Variants in CDK12 observed in about 807,000 individuals in gnomAD.
CDK12 encodes the protein cyclin-dependent kinase 12.
CDK12 carries 17 observed loss-of-function variants against 133.8 expected under a neutral mutation model. The observed-to-expected ratio is 0.13, with a 90% CI of 0.09 to 0.19. The LOEUF (loss-of-function observed/expected upper bound fraction) is 0.19. CDK12 is among the 10% of genes least tolerant of loss of function. The pLI is 1.00. For synonymous variants in CDK12, 694 were observed against 683.6 expected (o/e 1.02, Z -0.24); for missense variants, 1,508 against 1,818.7 (o/e 0.83, Z 3.11).
At chr17:39,474,121 C>T (rs1180977855) in intron 2 of CDK12, among the ~76,000 whole-genome samples, 1 of 152,184 alleles carries the variant, frequency 6.6e-6, no homozygotes, top group Non-Finnish European at 1.5e-5. Flanking sequence ...CCACCAAACA[C>T]ACTTGCTTTA....
At chr17:39,554,116 C>T (rs910375833) in intron 2 of CDK12, among the ~76,000 whole-genome samples, 9 of 152,146 alleles carry the variant, frequency 5.9e-5, no homozygotes, top group African/African-American at 1.4e-4. Context: ...TGCCCCTGGG[C>T]ACTTTCCAGA....
At chr17:39,519,450 C>A (rs1042411591) in intron 10 of CDK12, among the ~76,000 whole-genome samples, 1 of 151,090 alleles carries the variant, frequency 6.6e-6, no homozygotes, top group Non-Finnish European at 1.5e-5. Context: ...TACAGGCGTG[C>A]ATCACCATGC....
At chr17:39,480,820 C>A (rs116360414) in intron 2 of CDK12, among the ~76,000 whole-genome samples, 1 of 152,140 alleles carries the variant, frequency 6.6e-6, no homozygotes, top group Non-Finnish European at 1.5e-5. Flanking sequence ...ATTTCAAAAG[C>A]CTTTCTCATT....
intron 2 of CDK12, among the ~76,000 whole-genome samples, chr17:39,489,337 T>G (rs1291776782): frequency 6.6e-6 from 1 of 152,024 alleles, no homozygotes; most frequent in Non-Finnish European, 1.5e-5. Flanking sequence ...CCCAAAGTGC[T>G]AAGATTACAG....
intron 2 of CDK12, among the ~76,000 whole-genome samples, chr17:39,482,682 A>C (rs2145613202): frequency 1.5e-5 from 2 of 137,590 alleles, no homozygotes; most frequent in South Asian, 4.7e-4. Flanking sequence ...AGCTCACTGC[A>C]ACCTACGCCT....
intron 2 of CDK12, among the ~76,000 whole-genome samples, chr17:39,472,746 T>G (rs1050640142): frequency 1.3e-5 from 2 of 152,002 alleles, no homozygotes; most frequent in East Asian, 1.9e-4. Context: ...CCTGAAAAAT[T>G]TAACATTGAC....
intron 5 of CDK12, among the ~76,000 whole-genome samples, chr17:39,496,037 G>A (rs560935879): frequency 1.3e-5 from 2 of 151,500 alleles, no homozygotes; most frequent in Non-Finnish European, 2.9e-5. Flanking sequence ...TCAGCCTCCC[G>A]GGTAGCTGGG....
chr17:39,524,335 C>G (rs2054362629), intron 11 of CDK12, among the ~76,000 whole-genome samples: 3 of 152,184 alleles, frequency 2.0e-5, no homozygotes, highest in African/African-American at 7.2e-5. Flanking sequence ...GTCTTTATTC[C>G]CTACTGAAAC....
At chr17:39,544,415 C>A (rs1190606514), upstream of CDK12, 27 of 403,148 alleles carry the variant, frequency 6.7e-5, no homozygotes, top group Non-Finnish European at 5.6e-5. Context: ...TGGGATGACC[C>A]TACTCCCATC....
chr17:39,481,673 T>G (rs1597983444), intron 2 of CDK12, among the ~76,000 whole-genome samples: 2 of 13,326 alleles, frequency 1.5e-4, no homozygotes, highest in Non-Finnish European at 5.3e-4. Context: ...TCTCTCTCTC[T>G]CTCTCTCTCT....
intron 11 of CDK12, among the ~76,000 whole-genome samples, chr17:39,521,256 G>A (rs923534707): frequency 1.3e-5 from 2 of 151,944 alleles, no homozygotes; most frequent in South Asian, 2.1e-4. Flanking sequence ...GTGAGCCACC[G>A]TGCCTGGCCT....
chr17:39,471,275 A>C lies in CDK12; in HGVS notation c.1443A>C (p.Val481=), dbSNP rs1372239759. 6.2e-7 allele frequency: 1 copy of C among 1,612,878 alleles called. No individual in the cohort carries two copies. The highest frequency in any genetic ancestry group is 1.7e-5 in the Admixed American group (1 of 59,602). ...EVKNSSDTGK[V]KLDENSEKHL... ...AAAATTCTTCAGATACAGGGAAAGT[A>C]AAGTTGGATGAGAACTCCGAGAAGC... is the stretch of plus-strand genomic sequence containing the variant. Residue 481 remains valine (V), a synonymous_variant, in exon 2 of 14, where the codon GTA becomes GTC. Coordinates refer to ENST00000447079, the MANE Select transcript of CDK12 (RefSeq NM_016507.4).
At chr17:39,484,548 T>C (rs2050967917) in intron 2 of CDK12, among the ~76,000 whole-genome samples, 1 of 152,202 alleles carries the variant, frequency 6.6e-6, no homozygotes, top group Non-Finnish European at 1.5e-5. Context: ...TTTCAAGGTT[T>C]TTAGTACATT....
Position 39,469,078 on chromosome 17 carries a change from G to T in CDK12, c.1047-1801G>T, listed in dbSNP as rs145825488. On this transcript the variant is annotated intron_variant, in intron 1 of 13. Coordinates refer to ENST00000447079, the MANE Select transcript of CDK12 (RefSeq NM_016507.4). The stretch of plus-strand genomic sequence containing the variant: ...TCCTGACCTCGTGATCTGCTGCCTC[G>T]GCCTCCCGAAGTGCTGGGATTACAG... Among the ~76,000 whole-genome samples, 147 of 148,832 alleles carry T rather than the reference G, an allele frequency of 9.9e-4. 1 individual carries two copies. Among genetic ancestry groups the T allele is most frequent in the African/African-American group, 3.4e-3 (139 of 40,432 alleles).
At chr17:39,490,907 A>C (rs1007659113) in intron 3 of CDK12, among the ~76,000 whole-genome samples, 174 bp downstream of exon 3, 7 of 152,184 alleles carry the variant, frequency 4.6e-5, no homozygotes, top group African/African-American at 1.7e-4. Flanking sequence ...CAGGTCATTC[A>C]TCTATGCCCT....
upstream of CDK12, chr17:39,546,332 C>G (rs534409027): frequency 3.3e-5 from 5 of 151,544 alleles, no homozygotes; most frequent in Non-Finnish European, 5.9e-5. Context: ...GGCGCCCCCC[C>G]ACCACGCCTG....
rs745592792 is a variant in CDK12 at position 39,517,444 on chromosome 17, C to G, written c.2851C>G (p.Leu951Val). The part of the protein sequence containing the change: ...ELAQLELISR[L>V]CGSPCPAVWP... ...TTGCTTTTGCTTTGTTTTCAGCCGA[C>G]TTTGTGGTAGCCCTTGTCCAGCTGT... The change falls in exon 10 of 14, where the codon CTT becomes GTT. Residue 951 changes from leucine (L) to valine (V), a missense_variant. Leu to Val is a conservative substitution (Grantham distance 32, BLOSUM62 1). Around this residue, in one of 9 missense-constraint regions of CDK12, gnomAD observed 82 missense variants for 201.5 expected, o/e 0.41. Transcript: ENST00000447079. 3 of 1,604,714 alleles carry G rather than the reference C, an allele frequency of 1.9e-6. No homozygotes were observed. Among genetic ancestry groups the G allele is most frequent in the Non-Finnish European group, 1.7e-6 (2 of 1,172,754 alleles).
chr17:39,498,003 C>T (rs1024719163), intron 5 of CDK12, among the ~76,000 whole-genome samples: 1 of 98,584 alleles, frequency 1.0e-5, no homozygotes, highest in Non-Finnish European at 2.2e-5. Flanking sequence ...CTCTTTCTCT[C>T]TTTCTTTCTT....
At chr17:39,488,212 C>T (rs2051291656) in intron 2 of CDK12, among the ~76,000 whole-genome samples, 1 of 149,768 alleles carries the variant, frequency 6.7e-6, no homozygotes, top group Admixed American at 6.7e-5. Flanking sequence ...CCAGCCTGGG[C>T]AACAAAGTGA....
Sources: gnomAD v4.1 joint callset for allele counts (sites outside exome capture counted in the v4.1 genomes callset) on GRCh38, gnomAD v4.1.1 for gene constraint, gnomAD v4.1.1 regional missense constraint, MANE v1.5 for transcripts, NCBI Gene and HGNC (gene_info 2026-07-23, HGNC 2026-07-21) for gene names.